The following ACSBG2 variants were observed in gnomAD, a reference collection of about 807,000 sequenced individuals.
ACSBG2 encodes the protein acyl-CoA synthetase bubblegum family member 2, also known as long-chain-fatty-acid--CoA ligase ACSBG2.
A neutral mutation model predicts 74.7 loss-of-function variants in ACSBG2; 62 were observed. That is an observed-to-expected ratio of 0.83 (90% CI 0.68 to 1.03). The LOEUF (loss-of-function observed/expected upper bound fraction) is 1.03, where lower values mean the gene tolerates loss of function less well. Among genes scored for constraint, ACSBG2 ranks in the 50% least tolerant of loss-of-function variants. The pLI, the probability that ACSBG2 is intolerant of heterozygous loss-of-function variation, is 0.00. For missense variants in ACSBG2, 730 were observed against 817.6 expected, an observed-to-expected ratio of 0.89 and a Z score of 1.31; for synonymous variants, 309 against 294.1, an observed-to-expected ratio of 1.05 and a Z score of -0.52.
intron 7 of ACSBG2, among the ~76,000 whole-genome samples, chr19:6,166,653 G>GT (rs2089819301): frequency 6.6e-6 from 1 of 151,702 alleles, no homozygotes; most frequent in Non-Finnish European, 1.5e-5. Context: ...GTTTTGTTTT[G>GT]CTTTTTGAGA....
intron 3 of ACSBG2, among the ~76,000 whole-genome samples, chr19:6,150,011 G>A (rs980597745): frequency 6.6e-6 from 1 of 151,884 alleles, no homozygotes; most frequent in Admixed American, 6.6e-5. Flanking sequence ...GAGGCGGGAG[G>A]ATTGCTGGAG....
chr19:6,137,210 G>GC (rs1491270210), intron 1 of ACSBG2: 1 of 12,160 alleles, frequency 8.2e-5, no homozygotes, highest in African/African-American at 3.5e-4. Context: ...TGGCGGGGTT[G>GC]GGGGGGGGGG....
intron 6 of ACSBG2, 84 bp downstream of exon 6, chr19:6,161,379 A>G (rs1429515320): frequency 7.4e-7 from 1 of 1,343,100 alleles, no homozygotes; most frequent in Non-Finnish European, 1.1e-6. Context: ...GAAGGTGAGC[A>G]GAGGGAGGAG....
chr19:6,160,161 T>C (rs974740836), intron 5 of ACSBG2, among the ~76,000 whole-genome samples: 7 of 151,468 alleles, frequency 4.6e-5, no homozygotes, highest in African/African-American at 1.7e-4. Flanking sequence ...GAGGCTGAGG[T>C]GGGCGGATCA....
At chr19:6,145,120 C>T (rs968076591) in intron 2 of ACSBG2, among the ~76,000 whole-genome samples, 2 of 152,018 alleles carry the variant, frequency 1.3e-5, no homozygotes, top group East Asian at 2.0e-4. Flanking sequence ...GCATCCCGGC[C>T]GGGCGCGGTG....
At chr19:6,147,801 C>T (rs1371383598) in intron 3 of ACSBG2, 126 bp downstream of exon 3, 2 of 999,256 alleles carry the variant, frequency 2.0e-6, no homozygotes, top group Non-Finnish European at 1.5e-6. Context: ...CGAAAATTTC[C>T]CTCTGATTCA....
chr19:6,158,178 C>T (rs901802347), intron 5 of ACSBG2, among the ~76,000 whole-genome samples: 2 of 151,960 alleles, frequency 1.3e-5, no homozygotes, highest in African/African-American at 4.8e-5. Context: ...GCCTCAGCCT[C>T]CCGAGTAGCT....
chr19:6,185,177 T>G (rs183992603), intron 10 of ACSBG2, among the ~76,000 whole-genome samples: 2 of 152,232 alleles, frequency 1.3e-5, no homozygotes, highest in Admixed American at 1.3e-4. Context: ...TATTCCCTCC[T>G]CGGCTTTCCA....
Position 6,182,918 on chromosome 19 carries a change from A to T in ACSBG2, c.1074A>T (p.Ser358=). 1.2e-6 allele frequency: 2 copies of T among 1,614,122 alleles called. No individual in the cohort carries two copies. Among genetic ancestry groups the T allele is most frequent in the Admixed American group, 1.7e-5 (1 of 60,022 alleles). Residue 358 remains serine (S), a synonymous_variant, in exon 9 of 15, where the codon TCA becomes TCT. Transcript: ENST00000588485. ...GAAACATTGGCTTCAAGGTCAACTC[A>T]AAAAAGATGTTGGGGTAGGTGGAGC... ...WARNIGFKVN[S]KKMLGKYNTP...
chr19:6,177,469 T>C, intron 8 of ACSBG2, 73 bp downstream of exon 8: 4 of 1,474,356 alleles, frequency 2.7e-6, no homozygotes, highest in Non-Finnish European at 3.6e-6. Flanking sequence ...TGGTTGTTAA[T>C]CATTCGACAG....
At chr19:6,172,235 T>A (rs1231559137) in intron 7 of ACSBG2, among the ~76,000 whole-genome samples, 1 of 152,206 alleles carries the variant, frequency 6.6e-6, no homozygotes, top group African/African-American at 2.4e-5. Flanking sequence ...CTGGTGAGAT[T>A]CTTTGGAGGT....
chr19:6,187,919 C>T, intron 13 of ACSBG2, 74 bp downstream of exon 13: 4 of 1,564,700 alleles, frequency 2.6e-6, no homozygotes, highest in Middle Eastern at 1.8e-4. Flanking sequence ...AGAGACAGGT[C>T]CTTTTCTGAA....
Position 6,182,816 on chromosome 19 carries a change from G to A in ACSBG2, c.972G>A (p.Trp324Ter). Reference sequence around the variant, plus strand: ...TCTTCATTGGAGTGCCTCAAATTTGGGAGAAGATACATGAGATGGTGAAGA... The same window carrying A: ...TCTTCATTGGAGTGCCTCAAATTTGAGAGAAGATACATGAGATGGTGAAGA... ...PTVFIGVPQI[W>*]EKIHEMVKKN... The change falls in exon 9 of 15, where the codon TGG becomes TGA. Residue 324 changes from tryptophan to a stop codon, truncating the protein, a stop_gained. Transcript: ENST00000588485. LOFTEE classifies it high-confidence loss of function. 6.2e-7 allele frequency: 1 copy of A among 1,614,138 alleles called. No homozygotes were observed. The highest frequency in any genetic ancestry group is 8.5e-7 in the Non-Finnish European group (1 of 1,180,028).
chr19:6,156,555 A>C lies in ACSBG2; in HGVS notation c.507+4A>C. ...ACAGTTACAGAAAATCCTTTCGGTA[A>C]ACCCCTACCCAGCACTGCCTGCCAA... On this transcript the variant is annotated splice_donor_region_variant and intron_variant, in intron 5 of 14. Coordinates refer to ENST00000588485, the MANE Select transcript of ACSBG2 (RefSeq NM_030924.5). 6.4e-7 allele frequency: 1 copy of C among 1,570,880 alleles called. No homozygotes were observed.
chr19:6,162,354 CAGA>C (rs2089651439), intron 6 of ACSBG2, among the ~76,000 whole-genome samples: 1 of 150,408 alleles, frequency 6.6e-6, no homozygotes, highest in Non-Finnish European at 1.5e-5. Context: ...ATCACGAGGT[CAGA>C]AGATCGAGAC....
At position 6,151,284 on chromosome 19, in the gene ACSBG2, A is replaced by G. The variant is rs573409241; in HGVS notation, c.298-423A>G. On this transcript the variant is annotated intron_variant, in intron 3 of 14. Coordinates refer to ENST00000588485, the MANE Select transcript of ACSBG2 (RefSeq NM_030924.5). ...ATATTACACCTCAGATTTTAGGCTC[A>G]ATGCTGTCTCCCACCCCGTGTGGCT... Among the ~76,000 whole-genome samples, 8 of 152,266 alleles carry G rather than the reference A, an allele frequency of 5.3e-5. No homozygotes were observed. The East Asian group carries it at 1.5e-3, about 29-fold the overall frequency.
chr19:6,177,084 C>G lies in ACSBG2; in HGVS notation c.739-145C>G, dbSNP rs959330825. Reference sequence around the variant, plus strand: ...GCTGAGATGGGAAGATTCCTTGAACCCAGGAGTTTGAGGCTGCAGTGAGCT... The same window carrying G: ...GCTGAGATGGGAAGATTCCTTGAACGCAGGAGTTTGAGGCTGCAGTGAGCT... On this transcript the variant is annotated intron_variant, in intron 7 of 14. Transcript: ENST00000588485. 5.0e-6 allele frequency: 4 copies of G among 805,468 alleles called. No homozygotes were observed. In the African/African-American group the frequency reaches 7.2e-5, roughly 14 times the overall value. The allele number at this position is 805,468 out of a possible 1,614,324, so 49.9% of individuals were successfully genotyped here.
intron 7 of ACSBG2, among the ~76,000 whole-genome samples, chr19:6,168,185 C>G (rs1340151096): frequency 1.3e-5 from 2 of 152,178 alleles, no homozygotes; most frequent in East Asian, 3.9e-4. Context: ...CCCTTGCTCA[C>G]TCTGTTCTAG....
chr19:6,138,361 A>G (rs1225138050), intron 1 of ACSBG2, among the ~76,000 whole-genome samples: 1 of 151,680 alleles, frequency 6.6e-6, no homozygotes, highest in Non-Finnish European at 1.5e-5. Context: ...AGGACCTCTC[A>G]GGCTCCTGGG....
Sources: allele counts gnomAD v4.1 joint callset (sites outside exome capture counted in the v4.1 genomes callset), GRCh38; gene constraint gnomAD v4.1.1; transcripts MANE v1.5; gene names NCBI Gene and HGNC (gene_info 2026-07-23, HGNC 2026-07-21).